RIMS1: variants seen among roughly 807,000 people sequenced by gnomAD.
RIMS1 encodes the protein regulating synaptic membrane exocytosis 1, also known as regulating synaptic membrane exocytosis protein 1.
In RIMS1, 83 loss-of-function variants were observed where a neutral mutation model predicts 214.1. That is an observed-to-expected ratio of 0.39 (90% CI 0.32 to 0.47). The LOEUF is 0.47. Among genes scored for constraint, RIMS1 ranks in the 20% least tolerant of loss-of-function variants. The probability of loss-of-function intolerance (pLI) is 0.99; values close to 1 mark genes in which losing one functional copy is unlikely to be tolerated. For synonymous variants in RIMS1, 793 were observed against 786.8 expected (o/e 1.01, Z -0.13); for missense variants, 2,050 against 2,161.8 (o/e 0.95, Z 1.03).
At chr6:72,094,782 A>G (rs920044125) in intron 2 of RIMS1, among the ~76,000 whole-genome samples, 1 of 152,106 alleles carries the variant, frequency 6.6e-6, no homozygotes, top group East Asian at 1.9e-4. Context: ...GAATAAGTGT[A>G]TAGGGAAACT....
intron 2 of RIMS1, among the ~76,000 whole-genome samples, chr6:72,050,440 C>A (rs946886696): frequency 1.3e-5 from 2 of 152,208 alleles, no homozygotes; most frequent in African/African-American, 4.8e-5. Context: ...TATCCATCCT[C>A]TTTAATATTT....
At chr6:72,020,150 A>G in intron 2 of RIMS1, among the ~76,000 whole-genome samples, 1 of 152,184 alleles carries the variant, frequency 6.6e-6, no homozygotes, top group Non-Finnish European at 1.5e-5. Flanking sequence ...TTCTACATAT[A>G]GTCAGTTCTT....
intron 19 of RIMS1, chr6:72,264,145 C>A: frequency 2.9e-6 from 1 of 350,676 alleles, no homozygotes; most frequent in Non-Finnish European, 4.0e-6. Context: ...ATTCCCTTCC[C>A]TCTTGATTAT....
At chr6:72,394,742 A>C (rs1395852236) in intron 31 of RIMS1, among the ~76,000 whole-genome samples, 1 of 117,848 alleles carries the variant, frequency 8.5e-6, no homozygotes, top group Non-Finnish European at 2.0e-5. Flanking sequence ...AAGGACAAAA[A>C]GAGAACAAAA....
At chr6:72,194,790 C>G (rs1169003809) in intron 6 of RIMS1, among the ~76,000 whole-genome samples, 7 of 152,070 alleles carry the variant, frequency 4.6e-5, no homozygotes, top group South Asian at 2.1e-4. Flanking sequence ...ACAATGGGCT[C>G]TATCTGGTGG....
intron 2 of RIMS1, among the ~76,000 whole-genome samples, chr6:72,027,119 CT>C (rs201602260): frequency 0.012 from 1,756 of 152,226 alleles, 36 homozygotes; most frequent in African/African-American, 0.039. Flanking sequence ...ACAGGCAAGA[CT>C]TTTTTTATTG....
chr6:72,371,340 C>T (rs1319029848), intron 29 of RIMS1, among the ~76,000 whole-genome samples: 1 of 152,192 alleles, frequency 6.6e-6, no homozygotes, highest in Admixed American at 6.5e-5. Context: ...TGGATTATTA[C>T]TCTGGTAAAA....
intron 6 of RIMS1, among the ~76,000 whole-genome samples, chr6:72,208,079 A>G (rs946325124): frequency 2.6e-5 from 4 of 152,182 alleles, no homozygotes; most frequent in African/African-American, 7.2e-5. Flanking sequence ...TTAACCTTGC[A>G]TCTTTATACA....
At chr6:72,270,044 A>G (rs2082280110) in intron 22 of RIMS1, among the ~76,000 whole-genome samples, 4 of 152,086 alleles carry the variant, frequency 2.6e-5, no homozygotes, top group Non-Finnish European at 5.9e-5. Context: ...ATTAAAATAC[A>G]TTGTATTTTA....
intron 4 of RIMS1, among the ~76,000 whole-genome samples, chr6:72,159,220 C>T (rs1454126613): frequency 1.4e-5 from 2 of 141,038 alleles, no homozygotes; most frequent in Non-Finnish European, 3.2e-5. Context: ...CTGTTCATAT[C>T]TTTCACCCAC....
intron 19 of RIMS1, chr6:72,262,796 C>A: frequency 1.3e-6 from 1 of 762,474 alleles, no homozygotes; most frequent in Non-Finnish European, 1.6e-6. Context: ...AAATCTAAAG[C>A]TTTCAAAATA....
intron 2 of RIMS1, among the ~76,000 whole-genome samples, chr6:72,004,853 G>C (rs1316690434): frequency 6.6e-5 from 10 of 151,814 alleles, no homozygotes; most frequent in African/African-American, 1.9e-4. Context: ...TTCTTTTGCT[G>C]TGCAGAAGCT....
At chr6:72,167,254 T>C (rs1400217606) in intron 4 of RIMS1, among the ~76,000 whole-genome samples, 1 of 151,992 alleles carries the variant, frequency 6.6e-6, no homozygotes. Context: ...TATATTTCCA[T>C]TGCTAGGATA....
At chr6:72,112,839 G>A (rs2036378213) in intron 4 of RIMS1, among the ~76,000 whole-genome samples, 2 of 152,118 alleles carry the variant, frequency 1.3e-5, no homozygotes, top group Admixed American at 1.3e-4. Flanking sequence ...TAGCTCTGTA[G>A]AAAAGGGGGA....
chr6:72,363,325 G>A (rs1163933297), intron 29 of RIMS1, among the ~76,000 whole-genome samples: 1 of 152,198 alleles, frequency 6.6e-6, no homozygotes, highest in Non-Finnish European at 1.5e-5. Context: ...TTAAGAGCAA[G>A]TTAGGGCCAG....
chr6:72,228,588 A>G (rs1244860121), intron 6 of RIMS1, among the ~76,000 whole-genome samples: 2 of 151,922 alleles, frequency 1.3e-5, no homozygotes, highest in African/African-American at 2.4e-5. Flanking sequence ...CATTGTTTCA[A>G]CCTCTTGGCT....
intron 4 of RIMS1, among the ~76,000 whole-genome samples, chr6:72,161,158 T>G (rs1277359898): frequency 7.1e-6 from 1 of 141,014 alleles, no homozygotes; most frequent in African/African-American, 2.5e-5. Flanking sequence ...TTCTAGATTT[T>G]CTAGTTTATT....
chr6:72,262,650 A>T lies in RIMS1; in HGVS notation c.3116+1883A>T. 4.6e-6 allele frequency: 4 copies of T among 876,714 alleles called. No homozygotes were observed. In the South Asian group the frequency reaches 2.1e-4, roughly 46 times the overall value. 54.3% of individuals were successfully genotyped at this position (876,714 alleles called of 1,614,324 possible). A position where few individuals can be genotyped will look rare whatever the true frequency, so the allele number is the denominator to read the frequency against. ...ATATTCATGTATTTATAAAAACATTAATTTATATCTGTATAAAAATGAATG... is the reference window on the plus strand; with the variant it reads ...ATATTCATGTATTTATAAAAACATTTATTTATATCTGTATAAAAATGAATG... On this transcript the variant is annotated intron_variant, in intron 19 of 33. Coordinates refer to ENST00000521978, the MANE Select transcript of RIMS1 (RefSeq NM_014989.7).
intron 1 of RIMS1, among the ~76,000 whole-genome samples, chr6:71,895,531 C>T (rs1488658619): frequency 3.3e-5 from 5 of 151,546 alleles, no homozygotes; most frequent in Non-Finnish European, 5.9e-5. Context: ...AAAAATTAGC[C>T]GGCGTGGTGA....
Sources: gnomAD v4.1 joint callset for allele counts (sites outside exome capture counted in the v4.1 genomes callset) on GRCh38, gnomAD v4.1.1 for gene constraint, MANE v1.5 for transcripts, NCBI Gene and HGNC (gene_info 2026-07-23, HGNC 2026-07-21) for gene names.